GPAT3: variants seen among roughly 807,000 people sequenced by gnomAD.
GPAT3 encodes the protein glycerol-3-phosphate acyltransferase 3.
A neutral mutation model predicts 58.8 loss-of-function variants in GPAT3; 53 were observed. The ratio of observed to expected loss-of-function variants is 0.90; its 90% confidence interval spans 0.72 to 1.13. GPAT3 has a LOEUF of 1.13. Ranked by LOEUF, GPAT3 falls within the 50% of genes most tolerant of loss-of-function variation. The pLI, the probability that GPAT3 is intolerant of heterozygous loss-of-function variation, is 0.00. For missense variants in GPAT3, 511 were observed against 527.6 expected (o/e 0.97, Z 0.31); for synonymous variants, 197 against 187.4 (o/e 1.05, Z -0.42).
intron 2 of GPAT3, among the ~76,000 whole-genome samples, chr4:83,569,429 T>C (rs776779740): frequency 5.3e-5 from 8 of 152,228 alleles, no homozygotes; most frequent in Non-Finnish European, 7.3e-5. Flanking sequence ...AAACCTTGCC[T>C]GGCTGACGGT....
intron 9 of GPAT3, 40 bp downstream of exon 9, chr4:83,597,555 A>G (rs748665030): frequency 1.0e-5 from 13 of 1,304,126 alleles, no homozygotes; most frequent in African/African-American, 1.5e-5. Flanking sequence ...ATTATTATAA[A>G]GATATTGGAT....
intron 2 of GPAT3, among the ~76,000 whole-genome samples, chr4:83,566,492 G>A (rs971885888): frequency 9.3e-5 from 14 of 150,328 alleles, no homozygotes; most frequent in Admixed American, 6.0e-4. Flanking sequence ...GGCTGATCTG[G>A]AAGTCGTGAC....
chr4:83,536,213 C>T lies in GPAT3; in HGVS notation c.-410C>T, dbSNP rs1724074877. On this transcript the variant is annotated 5_prime_UTR_variant, in exon 1 of 12. Coordinates refer to ENST00000264409, the MANE Select transcript of GPAT3 (RefSeq NM_032717.5). ...TGGCTCGGGGAGGGCCTCCGTGAGT[C>T]ATCTGCTGAGTTGTCGCAATCGCCA... The T allele has an allele frequency of 1.0e-6, 1 of 990,942 alleles. No homozygotes were observed. Among genetic ancestry groups the T allele is most frequent in the South Asian group, 4.6e-5 (1 of 21,668 alleles). The allele number at this position is 990,942 out of a possible 1,614,324, so 61.4% of individuals were successfully genotyped here.
chr4:83,570,161 T>A (rs1052660093), intron 2 of GPAT3, among the ~76,000 whole-genome samples: 3 of 152,178 alleles, frequency 2.0e-5, no homozygotes, highest in African/African-American at 7.2e-5. Flanking sequence ...GCACTTGGTT[T>A]TGGAGTCACC....
intron 2 of GPAT3, among the ~76,000 whole-genome samples, chr4:83,562,213 A>ATATATATAT (rs1553944911): frequency 7.4e-4 from 15 of 20,384 alleles, no homozygotes; most frequent in South Asian, 4.7e-3. Context: ...TATATATATT[A>ATATATATAT]TATATATATA....
chr4:83,543,380 G>A (rs557686864), intron 1 of GPAT3, among the ~76,000 whole-genome samples: 5 of 152,276 alleles, frequency 3.3e-5, no homozygotes, highest in Admixed American at 3.3e-4. Flanking sequence ...AAGTTCACTA[G>A]CAGTTTTTGA....
At chr4:83,582,596 T>C (rs1726187048) in intron 3 of GPAT3, among the ~76,000 whole-genome samples, 1 of 152,204 alleles carries the variant, frequency 6.6e-6, no homozygotes, top group Non-Finnish European at 1.5e-5. Flanking sequence ...GACATGGCCT[T>C]GGCATCCTCT....
chr4:83,546,678 A>G (rs1380338067), intron 2 of GPAT3, among the ~76,000 whole-genome samples: 7 of 152,174 alleles, frequency 4.6e-5, no homozygotes, highest in Admixed American at 4.6e-4. Context: ...CAACTGCAAC[A>G]TGTAGGGCTG....
At position 83,597,465 on chromosome 4, in the gene GPAT3, A is replaced by T. The variant is rs748612019; in HGVS notation, c.946A>T (p.Lys316Ter). 4.4e-5 allele frequency: 69 copies of T among 1,574,612 alleles called. No individual in the cohort carries two copies. Among genetic ancestry groups the T allele is most frequent in the Non-Finnish European group, 5.8e-5 (67 of 1,159,454 alleles). Residue 316 changes from lysine (K) to a stop codon, truncating the protein, a stop_gained, in exon 9 of 12, where the codon AAA becomes TAA. Coordinates refer to ENST00000264409, the MANE Select transcript of GPAT3 (RefSeq NM_032717.5). LOFTEE classifies it high-confidence loss of function. ...CAACAATACTTCAGTCATGATGTTT[A>T]AAAAGGGGAGCTTTGAAATTGGAGG... is the stretch of plus-strand genomic sequence containing the variant. ...CINNTSVMMF[K>*]KGSFEIGGTI...
In GPAT3 at chr4:83,602,535, A is replaced by G. The variant is rs1249461095; in HGVS notation, c.1206-2133A>G. ...ATTTTATGATCTTAAACTGGCTTTT[A>G]TATATGGCTGCTCCCTCTCTTAAGA... is the stretch of plus-strand genomic sequence containing the variant. On this transcript the variant is annotated intron_variant, in intron 11 of 11. Coordinates refer to ENST00000264409, the MANE Select transcript of GPAT3 (RefSeq NM_032717.5). Among the ~76,000 whole-genome samples the G allele has an allele frequency of 6.1e-5, 9 of 146,590 alleles. No homozygotes were observed. In the East Asian group the frequency reaches 6.2e-4, roughly 10 times the overall value.
At chr4:83,562,025 T>C (rs935437652) in intron 2 of GPAT3, among the ~76,000 whole-genome samples, 11 of 150,278 alleles carry the variant, frequency 7.3e-5, no homozygotes, top group African/African-American at 2.7e-4. Flanking sequence ...TTAAGGAAAA[T>C]AAGAAACAAG....
At chr4:83,579,882 T>C (rs1726041318) in intron 2 of GPAT3, among the ~76,000 whole-genome samples, 1 of 152,234 alleles carries the variant, frequency 6.6e-6, no homozygotes, top group South Asian at 2.1e-4. Flanking sequence ...CGTATAACTC[T>C]TTCCGGGATA....
intron 2 of GPAT3, among the ~76,000 whole-genome samples, chr4:83,562,236 A>AATATATATATAATAT (rs1725199322): frequency 4.0e-5 from 3 of 74,090 alleles, no homozygotes; most frequent in African/African-American, 1.6e-4. Context: ...ATATATATAT[A>AATATATATATAATAT]ATATATATAT....
chr4:83,541,393 C>CTTTTTTT (rs777665390), intron 1 of GPAT3, among the ~76,000 whole-genome samples: 2 of 113,692 alleles, frequency 1.8e-5, no homozygotes, highest in Non-Finnish European at 3.5e-5. Context: ...AATTTAAAAC[C>CTTTTTTT]TTTTTTTTTT....
intron 1 of GPAT3, among the ~76,000 whole-genome samples, chr4:83,542,598 T>A (rs1157563787): frequency 6.6e-6 from 1 of 152,250 alleles, no homozygotes; most frequent in East Asian, 1.9e-4. Context: ...TTATTTATTC[T>A]CTATCAGTTA....
chr4:83,561,142 A>G (rs890502765), intron 2 of GPAT3, among the ~76,000 whole-genome samples: 2 of 152,236 alleles, frequency 1.3e-5, no homozygotes, highest in African/African-American at 4.8e-5. Context: ...AGAAAACAGC[A>G]CAATGGGGGA....
chr4:83,565,235 G>C (rs1725337916), intron 2 of GPAT3, among the ~76,000 whole-genome samples: 1 of 151,770 alleles, frequency 6.6e-6, no homozygotes, highest in Admixed American at 6.6e-5. Flanking sequence ...CAAGTAGCTG[G>C]GATTACAGGT....
intron 11 of GPAT3, among the ~76,000 whole-genome samples, chr4:83,599,532 C>G (rs1212106342): frequency 6.6e-6 from 1 of 152,024 alleles, no homozygotes; most frequent in African/African-American, 2.4e-5. Flanking sequence ...GGTTCTTTTT[C>G]TTATGAAGAA....
chr4:83,567,316 G>A (rs1725435962), intron 2 of GPAT3, among the ~76,000 whole-genome samples: 2 of 152,134 alleles, frequency 1.3e-5, no homozygotes, highest in South Asian at 4.1e-4. Flanking sequence ...ATGTTAAATA[G>A]TTGCTGATTC....
Sources: gnomAD v4.1 joint callset for allele counts (sites outside exome capture counted in the v4.1 genomes callset) on GRCh38, gnomAD v4.1.1 for gene constraint, MANE v1.5 for transcripts, NCBI Gene and HGNC (gene_info 2026-07-23, HGNC 2026-07-21) for gene names.